The following PREPL variants were observed in gnomAD, a reference collection of about 807,000 sequenced individuals.
PREPL encodes prolyl endopeptidase like.
A neutral mutation model predicts 70.6 loss-of-function variants in PREPL; 77 were observed. The observed-to-expected ratio is 1.09, with a 90% CI of 0.91 to 1.32. PREPL has a LOEUF of 1.32. Among genes scored for constraint, PREPL ranks in the 40% most tolerant of loss-of-function variants. The pLI, the probability that PREPL is intolerant of heterozygous loss-of-function variation, is 0.00. For synonymous variants in PREPL, 315 were observed against 264.8 expected (o/e 1.19, Z -1.84); for missense variants, 1,002 against 778.2 (o/e 1.29, Z -3.42).
chr2:44,359,748 G>A, intron 1 of PREPL: 1 of 1,455,444 alleles, frequency 6.9e-7, no homozygotes, highest in East Asian at 2.3e-5. Context: ...GCTCCTTTTG[G>A]GGCTGCCAGC....
intron 5 of PREPL, among the ~76,000 whole-genome samples, chr2:44,340,927 C>CAAAAA (rs966745305): frequency 1.0e-4 from 10 of 97,936 alleles, no homozygotes; most frequent in African/African-American, 3.4e-4. Flanking sequence ...GACTCTGTTT[C>CAAAAA]AAAAAAAAAA....
At chr2:44,339,105 T>C (rs1023728543) in intron 6 of PREPL, 42 bp downstream of exon 6, 5 of 1,608,248 alleles carry the variant, frequency 3.1e-6, no homozygotes, top group Non-Finnish European at 4.3e-6. Flanking sequence ...AGTGTGACAC[T>C]TCTTAACAGC....
intron 10 of PREPL, among the ~76,000 whole-genome samples, chr2:44,324,605 T>G (rs1431368026): frequency 1.3e-5 from 2 of 152,176 alleles, no homozygotes; most frequent in Non-Finnish European, 2.9e-5. Flanking sequence ...GGGTCGCACA[T>G]GGTGGCTCAT....
chr2:44,361,158 G>A (rs1677742704), intron 1 of PREPL, among the ~76,000 whole-genome samples: 1 of 152,192 alleles, frequency 6.6e-6, no homozygotes, highest in Non-Finnish European at 1.5e-5. Flanking sequence ...TGGGGGTGGG[G>A]TAGATAAATG....
intron 6 of PREPL, 140 bp downstream of exon 6, chr2:44,339,007 G>C (rs1377071289): frequency 7.3e-7 from 1 of 1,363,186 alleles, no homozygotes; most frequent in Non-Finnish European, 9.8e-7. Flanking sequence ...TAGCTCTAAG[G>C]GAAAAGAAAT....
At chr2:44,341,702 T>C (rs1675240113) in intron 5 of PREPL, among the ~76,000 whole-genome samples, 1 of 151,176 alleles carries the variant, frequency 6.6e-6, no homozygotes, top group Admixed American at 6.6e-5. Context: ...AAATGTATTA[T>C]AAAAATAATA....
At chr2:44,351,434 A>C (rs1223374928) in intron 1 of PREPL, among the ~76,000 whole-genome samples, 2 of 151,898 alleles carry the variant, frequency 1.3e-5, no homozygotes, top group Non-Finnish European at 2.9e-5. Flanking sequence ...TGACTACCCA[A>C]CATTTTTACT....
chr2:44,339,119 A>C, intron 6 of PREPL, 28 bp downstream of exon 6: 1 of 1,611,652 alleles, frequency 6.2e-7, no homozygotes, highest in Non-Finnish European at 8.5e-7. Context: ...TAACAGCCCA[A>C]ATAGGAACAA....
intron 1 of PREPL, among the ~76,000 whole-genome samples, chr2:44,347,720 GA>G (rs1558513106): frequency 6.6e-6 from 1 of 152,214 alleles, no homozygotes; most frequent in Non-Finnish European, 1.5e-5. Context: ...ATTGTACAGT[GA>G]TTTGTACCAG....
rs1283305664 is a variant in PREPL at position 44,359,684 on chromosome 2, G to T, written c.-49+1696C>A. 6.2e-7 allele frequency: 1 copy of T among 1,612,884 alleles called. No homozygotes were observed. The highest frequency in any genetic ancestry group is 8.5e-7 in the Non-Finnish European group (1 of 1,178,942). On this transcript the variant is annotated intron_variant, in intron 1 of 13. Transcript: ENST00000409411. ...AAGGTGAGGAATACTATACTTCAAA[G>T]CTTGGAGAAATAATTTGGTCTTCTG...
chr2:44,361,850 G>A (rs976592350), upstream of PREPL: 3 of 1,300,846 alleles, frequency 2.3e-6, no homozygotes, highest in Non-Finnish European at 2.9e-6. Flanking sequence ...AAGGAGATGC[G>A]AGTACCGGAA....
chr2:44,339,069 T>C, intron 6 of PREPL, 78 bp downstream of exon 6: 2 of 1,567,016 alleles, frequency 1.3e-6, no homozygotes, highest in South Asian at 2.3e-5. Flanking sequence ...CAATGAGCTC[T>C]TGGAGCAAGA....
intron 5 of PREPL, among the ~76,000 whole-genome samples, chr2:44,341,936 C>G (rs1353535254): frequency 6.6e-6 from 1 of 151,878 alleles, no homozygotes; most frequent in African/African-American, 2.4e-5. Flanking sequence ...CTATATATTA[C>G]TAAGAATTTA....
intron 11 of PREPL, 87 bp from the exon 12 acceptor site, chr2:44,322,941 A>G (rs1469354826): frequency 1.3e-6 from 2 of 1,513,340 alleles, no homozygotes; most frequent in Non-Finnish European, 1.8e-6. Context: ...ATTACCTCCA[A>G]TTTTTCCCTG....
chr2:44,347,932 T>C (rs186782674), intron 1 of PREPL, among the ~76,000 whole-genome samples: 2 of 152,322 alleles, frequency 1.3e-5, no homozygotes, highest in East Asian at 3.9e-4. Context: ...AAAATAATCA[T>C]TTTCACAAAG....
chr2:44,334,566 G>A (rs548388522), intron 7 of PREPL, among the ~76,000 whole-genome samples: 1 of 152,280 alleles, frequency 6.6e-6, no homozygotes, highest in Admixed American at 6.5e-5. Context: ...TTTATTTAGA[G>A]ACGGAGTCTT....
Position 44,321,447 on chromosome 2 carries a change from TA to T in PREPL, c.1828-3del. The T allele has an allele frequency of 6.2e-7, 1 of 1,611,136 alleles. No homozygotes were observed. Among genetic ancestry groups the T allele is most frequent in the South Asian group, 1.1e-5 (1 of 90,882 alleles). ...CAGGAATTTAATTTGGGCTGTAATCTAAAAGAAACACATTAAAAAAATTAAA... is the reference window on the plus strand; with the variant it reads ...CAGGAATTTAATTTGGGCTGTAATCTAAAGAAACACATTAAAAAAATTAAA... On this transcript the variant is annotated splice_region_variant and splice_polypyrimidine_tract_variant and intron_variant, in intron 13 of 13. Transcript: ENST00000409411.
In PREPL at chr2:44,349,596, A is replaced by G. The variant is rs1335577516; in HGVS notation, c.-48-3206T>C. On this transcript the variant is annotated intron_variant, in intron 1 of 13. Coordinates refer to ENST00000409411, the MANE Select transcript of PREPL (RefSeq NM_001171613.2). ...TTTGAAATTAAATTGATAACAAAGA[A>G]ACTAAAGAGAATCAAATTAAAAGTT... 5.3e-5 allele frequency among the ~76,000 whole-genome samples: 8 copies of G among 152,174 alleles called. No homozygotes were observed. The East Asian group carries it at 1.5e-3, about 29-fold the overall frequency.
rs1672698849 is a variant in PREPL at position 44,319,103 on chromosome 2, CAT to C, written c.*2251_*2252del. 1 of 152,560 alleles carries C rather than the reference CAT, an allele frequency of 6.6e-6. No homozygotes were observed. Among genetic ancestry groups the C allele is most frequent in the Non-Finnish European group, 1.5e-5 (1 of 68,026 alleles). 9.5% of individuals were successfully genotyped at this position (152,560 alleles called of 1,614,324 possible). A position where few individuals can be genotyped will look rare whatever the true frequency, so the allele number is the denominator to read the frequency against. ...TAACTTAGACAAGTCATACATGTAT[CAT>C]AAATATCTTTGTACCTGACAAACAG... On this transcript the variant is annotated 3_prime_UTR_variant, in exon 14 of 14. Transcript: ENST00000409411.
Sources: allele counts gnomAD v4.1 joint callset (sites outside exome capture counted in the v4.1 genomes callset), GRCh38; gene constraint gnomAD v4.1.1; transcripts MANE v1.5; gene names NCBI Gene and HGNC (gene_info 2026-07-23, HGNC 2026-07-21).